The following VPS13D variants were observed in gnomAD, a reference collection of about 807,000 sequenced individuals.
VPS13D encodes the protein intermembrane lipid transfer protein VPS13D.
Under a neutral mutation model 461.9 loss-of-function variants are expected in VPS13D, and 187 were observed. That is an observed-to-expected ratio of 0.40 (90% confidence interval 0.36 to 0.46). The LOEUF (loss-of-function observed/expected upper bound fraction) is 0.46. Ranked by LOEUF, VPS13D falls within the 20% of genes least tolerant of loss-of-function variation. The pLI is 0.60. For synonymous variants in VPS13D, 1,951 were observed against 1,986.3 expected (o/e 0.98, Z 0.47); for missense variants, 4,711 against 5,364.9 (o/e 0.88, Z 3.81).
In VPS13D at chr1:12,299,480, A is replaced by G. The variant is rs959313570; in HGVS notation, c.6216+96A>G. On this transcript the variant is annotated intron_variant, in intron 25 of 69. Coordinates refer to ENST00000620676, the MANE Select transcript of VPS13D (RefSeq NM_015378.4). This position sits in a 1 kb window ranked among gnomAD's most constrained non-coding sequence, Gnocchi z 4.2. ...TGCTGTAAGATGATCCATAATTGCTATTACTTTTGTAGGGTATGTGGCTTG... is the reference window on the plus strand; with the variant it reads ...TGCTGTAAGATGATCCATAATTGCTGTTACTTTTGTAGGGTATGTGGCTTG... 2.9e-6 allele frequency: 4 copies of G among 1,401,366 alleles called. No individual in the cohort carries two copies. Among genetic ancestry groups the G allele is most frequent in the Admixed American group, 2.6e-5 (1 of 38,706 alleles). 86.8% of individuals were successfully genotyped at this position (1,401,366 alleles called of 1,614,324 possible). A position where few individuals can be genotyped will look rare whatever the true frequency, so the allele number is the denominator to read the frequency against.
In VPS13D at chr1:12,256,414, A is replaced by G. The variant is rs1640922551; in HGVS notation, c.751A>G (p.Asn251Asp). ...GTTTGCATCTGCTCTTTTGAAGAGAAACTGCTCCAAGAAGCCCCTGCGGTC... is the reference window on the plus strand; with the variant it reads ...GTTTGCATCTGCTCTTTTGAAGAGAGACTGCTCCAAGAAGCCCCTGCGGTC... ...PVFASALLKR[N>D]CSKKPLRSRH... The change falls in exon 8 of 70, where the codon AAC becomes GAC. Residue 251 changes from asparagine (N) to aspartate (D), a missense_variant. By Grantham distance (23) the Asn-to-Asp change is conservative. Coordinates refer to ENST00000620676, the MANE Select transcript of VPS13D (RefSeq NM_015378.4). The G allele has an allele frequency of 6.2e-7, 1 of 1,614,102 alleles. No individual in the cohort carries two copies.
Position 12,440,271 on chromosome 1 carries a change from A to G in VPS13D, c.12334-15727A>G, listed in dbSNP as rs1645112932. Among the ~76,000 whole-genome samples the G allele has an allele frequency of 2.0e-5, 3 of 152,238 alleles. 1 individual carries two copies. The South Asian group carries it at 6.2e-4, about 32-fold the overall frequency. On this transcript the variant is annotated intron_variant, in intron 65 of 69. Transcript: ENST00000620676. Reference sequence around the variant, plus strand: ...TGTTTTGATTCCTGGCATATTTGCTATCAGTATATGCTTTGGGGGTTTTCA... The same window carrying G: ...TGTTTTGATTCCTGGCATATTTGCTGTCAGTATATGCTTTGGGGGTTTTCA...
At chr1:12,379,194 A>G (rs1312236944) in intron 56 of VPS13D, among the ~76,000 whole-genome samples, 3 of 152,236 alleles carry the variant, frequency 2.0e-5, no homozygotes, top group African/African-American at 7.2e-5. Flanking sequence ...TATTCCTTCC[A>G]TACTGCATGG....
intron 53 of VPS13D, among the ~76,000 whole-genome samples, chr1:12,369,183 A>G (rs1194356991): frequency 6.6e-6 from 1 of 152,106 alleles, no homozygotes; most frequent in African/African-American, 2.4e-5. Flanking sequence ...CAAAGCGTTT[A>G]AAGCCTTTCA....
chr1:12,293,696 G>T lies in VPS13D; in HGVS notation c.6025G>T (p.Gly2009Trp), dbSNP rs1349524748. 1.2e-6 allele frequency: 2 copies of T among 1,613,364 alleles called. No homozygotes were observed. Among genetic ancestry groups the T allele is most frequent in the Non-Finnish European group, 1.7e-6 (2 of 1,179,852 alleles). The change falls in exon 24 of 70, where the codon GGG (glycine) becomes TGG (tryptophan). Residue 2009 changes from glycine to tryptophan, a missense_variant. Physicochemically the swap from Gly to Trp is radical, Grantham distance 184. Transcript: ENST00000620676. ...VLGRQRAAIE[G>W]QTVRDQAQRC... is the part of the protein sequence containing the mutation. The stretch of plus-strand genomic sequence containing the variant: ...AGGGCGCCAGCGAGCTGCTATTGAG[G>T]GGCAGACGGTAGGTAGCCTGGGCCC...
intron 24 of VPS13D, among the ~76,000 whole-genome samples, chr1:12,297,010 T>A (rs1642298387): frequency 6.6e-6 from 1 of 152,240 alleles, no homozygotes; most frequent in Non-Finnish European, 1.5e-5. Context: ...TGAACATTGT[T>A]CAATATGTAG....
At position 12,286,594 on chromosome 1, in the gene VPS13D, A is replaced by G. The variant is rs563419738; in HGVS notation, c.5635-1629A>G. ...GACTGTTTGACTTCTTTTATCCTCTATTTTAACAAGTGGATGTTAGCTCTA... is the reference window on the plus strand; with the variant it reads ...GACTGTTTGACTTCTTTTATCCTCTGTTTTAACAAGTGGATGTTAGCTCTA... On this transcript the variant is annotated intron_variant, in intron 21 of 69. Coordinates refer to ENST00000620676, the MANE Select transcript of VPS13D (RefSeq NM_015378.4). Among the ~76,000 whole-genome samples, 3 of 152,204 alleles carry G rather than the reference A, an allele frequency of 2.0e-5. No homozygotes were observed. The East Asian group carries it at 5.8e-4, about 29-fold the overall frequency.
intron 67 of VPS13D, 38 bp from the exon 68 acceptor site, chr1:12,497,462 A>G (rs745827919): frequency 1.9e-6 from 3 of 1,593,522 alleles, no homozygotes; most frequent in Admixed American, 3.5e-5. Flanking sequence ...TAACCTGCAC[A>G]CTTAACCTCT....
intron 61 of VPS13D, among the ~76,000 whole-genome samples, chr1:12,400,938 A>C (rs1644566944): frequency 6.7e-6 from 1 of 149,818 alleles, no homozygotes; most frequent in Non-Finnish European, 1.5e-5. Flanking sequence ...TGGGTGATAG[A>C]GTGAGATGTG....
rs1454231709 is a variant in VPS13D, at chr1:12,363,232, TC to T, written c.10435del (p.His3479IlefsTer4). 6.2e-7 allele frequency: 1 copy of T among 1,613,982 alleles called. No individual in the cohort carries two copies. The highest frequency in any genetic ancestry group is 8.5e-7 in the Non-Finnish European group (1 of 1,180,004). ...TTTGAAGTCAACAAGAATAATTCCT[TC>T]CATATCAACATGAGGTAAGTTTGAG... ...GGFEVNKNNSFHINMRDTLGK... is the reference protein window; with the variant it reads ...GGFEVNKNNSXHINMRDTLGK... On this transcript the variant is annotated frameshift_variant, in exon 52 of 70. Transcript: ENST00000620676. LOFTEE classifies it high-confidence loss of function.
intron 2 of VPS13D, among the ~76,000 whole-genome samples, chr1:12,240,802 A>G (rs1640327810): frequency 1.0e-5 from 1 of 97,660 alleles, no homozygotes; most frequent in Non-Finnish European, 1.8e-5. Context: ...GTTAGTCGTA[A>G]GGTATGGTGG....
chr1:12,347,546 G>A (rs768649619), intron 44 of VPS13D, among the ~76,000 whole-genome samples: 13 of 152,136 alleles, frequency 8.5e-5, no homozygotes, highest in Non-Finnish European at 1.5e-4. Flanking sequence ...CTGGAGCTTC[G>A]ATGATGATTT....
intron 41 of VPS13D, among the ~76,000 whole-genome samples, chr1:12,342,606 A>G (rs537330327): frequency 6.6e-6 from 1 of 152,372 alleles, no homozygotes; most frequent in African/African-American, 2.4e-5. Flanking sequence ...AATCACTTAA[A>G]TGCCACTTGA....
intron 67 of VPS13D, among the ~76,000 whole-genome samples, chr1:12,492,000 G>C (rs1645889182): frequency 6.6e-6 from 1 of 152,224 alleles, no homozygotes; most frequent in Admixed American, 6.5e-5. Flanking sequence ...TTGAGTGTTG[G>C]TTCATAAGAG....
chr1:12,484,309 G>A (rs533389847), intron 67 of VPS13D, among the ~76,000 whole-genome samples: 1 of 152,158 alleles, frequency 6.6e-6, no homozygotes, highest in African/African-American at 2.4e-5. Context: ...TTTCATTGTT[G>A]ATACATGGGC....
At chr1:12,371,095 A>T (rs1041363891) in intron 54 of VPS13D, among the ~76,000 whole-genome samples, 8 of 152,146 alleles carry the variant, frequency 5.3e-5, no homozygotes, top group African/African-American at 1.7e-4. Flanking sequence ...TTTTAAAGTG[A>T]ACAGTTCAGT....
At chr1:12,294,588 G>T (rs548900776) in intron 24 of VPS13D, among the ~76,000 whole-genome samples, 2 of 152,262 alleles carry the variant, frequency 1.3e-5, no homozygotes, top group African/African-American at 4.8e-5. Flanking sequence ...GCCGAGGCGG[G>T]CAGATCACGA....
Position 12,272,987 on chromosome 1 carries a change from T to G in VPS13D, c.2104-16T>G. 2 of 1,611,228 alleles carry G rather than the reference T, an allele frequency of 1.2e-6. No individual in the cohort carries two copies. The highest frequency in any genetic ancestry group is 2.2e-5 in the East Asian group (1 of 44,722). On this transcript the variant is annotated splice_polypyrimidine_tract_variant and intron_variant, in intron 17 of 69. Transcript: ENST00000620676. ...GGTTTCGGCAGTTATGGTTAATGAC[T>G]GTTTTATTTGTACAGGAGGAGAGTA...
At chr1:12,300,206 G>GC (rs1553176369) in intron 25 of VPS13D, among the ~76,000 whole-genome samples, 6 of 80,070 alleles carry the variant, frequency 7.5e-5, no homozygotes, top group South Asian at 4.8e-4. Flanking sequence ...CATTTGCTTT[G>GC]CTTTTTTTTT....
Sources: allele counts gnomAD v4.1 joint callset (sites outside exome capture counted in the v4.1 genomes callset), GRCh38; gene constraint gnomAD v4.1.1; non-coding constraint Gnocchi (gnomAD v3.1); transcripts MANE v1.5; gene names NCBI Gene and HGNC (gene_info 2026-07-23, HGNC 2026-07-21).